PIK3CB: variants seen among roughly 807,000 people sequenced by gnomAD.
PIK3CB encodes the protein phosphatidylinositol-4,5-bisphosphate 3-kinase catalytic subunit beta.
Under a neutral mutation model 136.8 loss-of-function variants are expected in PIK3CB, and 39 were observed. The ratio of observed to expected loss-of-function variants is 0.29; its 90% CI spans 0.22 to 0.37. PIK3CB has a LOEUF of 0.37. Among genes scored for constraint, PIK3CB ranks in the 10% least tolerant of loss-of-function variants. The probability of loss-of-function intolerance (pLI) is 1.00; values close to 1 mark genes in which losing one functional copy is unlikely to be tolerated. For synonymous variants in PIK3CB, 428 were observed against 436.6 expected, an observed-to-expected ratio of 0.98 and a Z score of 0.25; for missense variants, 868 against 1,275.4, an observed-to-expected ratio of 0.68 and a Z score of 4.87.
intron 1 of PIK3CB, among the ~76,000 whole-genome samples, chr3:138,799,382 T>C (rs2046146642): frequency 6.6e-6 from 1 of 151,866 alleles, no homozygotes; most frequent in Non-Finnish European, 1.5e-5. Flanking sequence ...GGTTTCACCA[T>C]ATTGGCCAGG....
chr3:138,716,971 A>G (rs1204676101), intron 8 of PIK3CB, among the ~76,000 whole-genome samples: 1 of 148,942 alleles, frequency 6.7e-6, no homozygotes, highest in African/African-American at 2.5e-5. Context: ...AAAGTAGTTT[A>G]CAGGCTGGGC....
intron 2 of PIK3CB, among the ~76,000 whole-genome samples, chr3:138,765,942 C>T (rs1030518337): frequency 6.6e-5 from 10 of 152,126 alleles, no homozygotes; most frequent in Non-Finnish European, 1.3e-4. Context: ...TACAAAATCT[C>T]AACCTACATT....
At chr3:138,806,684 T>A (rs1358619600) in intron 1 of PIK3CB, among the ~76,000 whole-genome samples, 1 of 152,068 alleles carries the variant, frequency 6.6e-6, no homozygotes, top group East Asian at 1.9e-4. Context: ...ACCAACAGAA[T>A]GTAAATAGCT....
Position 138,714,727 on chromosome 3 carries a change from G to A in PIK3CB, c.1051-8C>T, listed in dbSNP as rs1559836074. On this transcript the variant is annotated splice_polypyrimidine_tract_variant and splice_region_variant and intron_variant, in intron 8 of 23. Coordinates refer to ENST00000674063, the MANE Select transcript of PIK3CB (RefSeq NM_006219.3). Reference sequence around the variant, plus strand: ...ACCAGCCCTGACATGAACCTGTAACGAAGCAGACAAAAACAAAAACAAAGT... The same window carrying A: ...ACCAGCCCTGACATGAACCTGTAACAAAGCAGACAAAAACAAAAACAAAGT... The A allele has an allele frequency of 2.6e-6, 4 of 1,568,586 alleles. No homozygotes were observed. The highest frequency in any genetic ancestry group is 1.4e-5 in the African/African-American group (1 of 72,574).
intron 4 of PIK3CB, 99 bp downstream of exon 4, chr3:138,755,655 G>A: frequency 3.3e-6 from 2 of 606,102 alleles, no homozygotes; most frequent in Non-Finnish European, 5.7e-6. Context: ...GTGGTCCATG[G>A]ACCACACTTT....
At chr3:138,817,853 G>T (rs1008622201) in intron 1 of PIK3CB, among the ~76,000 whole-genome samples, 18 of 152,194 alleles carry the variant, frequency 1.2e-4, no homozygotes, top group Non-Finnish European at 2.4e-4. Context: ...ACCAGAGGCT[G>T]AAGTGGGAGG....
At chr3:138,661,676 A>G (rs1442418403) in intron 21 of PIK3CB, among the ~76,000 whole-genome samples, 1 of 152,250 alleles carries the variant, frequency 6.6e-6, no homozygotes, top group Non-Finnish European at 1.5e-5. Flanking sequence ...TTCATGTATT[A>G]TAGTGCATTA....
chr3:138,726,909 G>A (rs2044850998), intron 8 of PIK3CB, among the ~76,000 whole-genome samples: 1 of 151,930 alleles, frequency 6.6e-6, no homozygotes, highest in Admixed American at 6.6e-5. Context: ...AAATTAGCTG[G>A]GTGTGGTGGT....
At chr3:138,780,295 G>C (rs1464134850) in intron 2 of PIK3CB, among the ~76,000 whole-genome samples, 1 of 149,982 alleles carries the variant, frequency 6.7e-6, no homozygotes, top group African/African-American at 2.5e-5. Flanking sequence ...TTTTTGAGAC[G>C]GCGTCTTGCT....
intron 16 of PIK3CB, among the ~76,000 whole-genome samples, chr3:138,686,172 C>T (rs2108493247): frequency 2.0e-5 from 3 of 151,766 alleles, no homozygotes; most frequent in Admixed American, 2.0e-4. Context: ...GGTGCAGTGG[C>T]TCATGCCTGT....
chr3:138,722,645 C>A, intron 8 of PIK3CB, among the ~76,000 whole-genome samples: 1 of 148,864 alleles, frequency 6.7e-6, no homozygotes. Context: ...TGGCAAAACT[C>A]AGGTATAGGA....
chr3:138,775,979 C>T (rs1360789564), intron 2 of PIK3CB, among the ~76,000 whole-genome samples: 3 of 152,176 alleles, frequency 2.0e-5, no homozygotes, highest in African/African-American at 7.2e-5. Context: ...GGGTGGATCA[C>T]CTGAGGTCAG....
intron 1 of PIK3CB, among the ~76,000 whole-genome samples, chr3:138,815,368 A>AAAAAAAAAC (rs1553743726): frequency 0.28 from 29,545 of 104,850 alleles, 5,471 homozygotes; most frequent in Non-Finnish European, 0.36. Context: ...AAAAAAAAAA[A>AAAAAAAAAC]AAAAAAACTA....
At chr3:138,718,377 T>C (rs940896772) in intron 8 of PIK3CB, among the ~76,000 whole-genome samples, 2 of 151,974 alleles carry the variant, frequency 1.3e-5, no homozygotes, top group East Asian at 1.9e-4. Context: ...ATGTTTTTTT[T>C]CTTATAAATT....
intron 12 of PIK3CB, among the ~76,000 whole-genome samples, chr3:138,700,981 C>G (rs916013620): frequency 2.6e-5 from 4 of 152,066 alleles, no homozygotes; most frequent in South Asian, 2.1e-4. Flanking sequence ...AAAAACCTAG[C>G]AGACACCGTA....
chr3:138,767,852 T>A (rs2045753807), intron 2 of PIK3CB, among the ~76,000 whole-genome samples: 1 of 152,184 alleles, frequency 6.6e-6, no homozygotes, highest in Admixed American at 6.5e-5. Flanking sequence ...AAAGAGGAAG[T>A]CACAGTCCTG....
chr3:138,732,177 G>A (rs1453834322), intron 8 of PIK3CB, among the ~76,000 whole-genome samples: 3 of 152,068 alleles, frequency 2.0e-5, no homozygotes, highest in African/African-American at 7.2e-5. Context: ...TTTCTTTTCT[G>A]AGGAGCGGTA....
chr3:138,821,037 A>G (rs960284036), intron 1 of PIK3CB, among the ~76,000 whole-genome samples: 1 of 152,182 alleles, frequency 6.6e-6, no homozygotes, highest in Non-Finnish European at 1.5e-5. Flanking sequence ...CTGTAATCCC[A>G]GCACTTTGGG....
chr3:138,761,225 T>G (rs917155839), intron 2 of PIK3CB, among the ~76,000 whole-genome samples: 4 of 152,218 alleles, frequency 2.6e-5, no homozygotes, highest in African/African-American at 9.6e-5. Flanking sequence ...AAAACTGAAC[T>G]TGAATCTAAT....
Sources: allele counts gnomAD v4.1 joint callset (sites outside exome capture counted in the v4.1 genomes callset), GRCh38; gene constraint gnomAD v4.1.1; transcripts MANE v1.5; gene names NCBI Gene and HGNC (gene_info 2026-07-23, HGNC 2026-07-21).